The following VAT1L variants were observed in gnomAD, a reference collection of about 807,000 sequenced individuals.
VAT1L encodes putative NADPH-dependent quinone oxidoreductase VAT1L.
VAT1L carries 34 observed loss-of-function variants against 44.1 expected under a neutral mutation model. The observed-to-expected ratio is 0.77, with a 90% confidence interval of 0.59 to 1.03. The LOEUF (loss-of-function observed/expected upper bound fraction) is 1.03, where lower values mean the gene tolerates loss of function less well. Ranked by LOEUF, VAT1L falls within the 50% of genes least tolerant of loss-of-function variation. The pLI is 0.00. For missense variants in VAT1L, 615 were observed against 538.8 expected (o/e 1.14, Z -1.40); for synonymous variants, 253 against 202.2 (o/e 1.25, Z -2.13).
At chr16:77,805,102 A>C (rs2016132370) in intron 1 of VAT1L, among the ~76,000 whole-genome samples, 1 of 152,142 alleles carries the variant, frequency 6.6e-6, no homozygotes, top group Non-Finnish European at 1.5e-5. Context: ...GCATCCCAGC[A>C]TACCCTTTCC....
chr16:77,897,052 C>G (rs1466206201), intron 7 of VAT1L, among the ~76,000 whole-genome samples: 1 of 152,152 alleles, frequency 6.6e-6, no homozygotes, highest in Non-Finnish European at 1.5e-5. Context: ...GGACCAGTTT[C>G]AAGATTTTTC....
At chr16:77,971,767 A>G (rs1433444611) in intron 7 of VAT1L, 83 bp from the exon 8 acceptor site, 18 of 1,434,756 alleles carry the variant, frequency 1.3e-5, no homozygotes, top group Non-Finnish European at 1.7e-5. Context: ...TGGTCACTTG[A>G]CAGTTTGAGT....
Position 77,884,792 on chromosome 16 carries a change from C to A in VAT1L, c.1067C>A (p.Ala356Asp). The change falls in exon 7 of 9, where the codon GCT (alanine) becomes GAT (aspartate). Residue 356 changes from alanine to aspartate, a missense_variant. By Grantham distance (126) the Ala-to-Asp change is moderately radical (BLOSUM62 -2). Coordinates refer to ENST00000302536, the MANE Select transcript of VAT1L (RefSeq NM_020927.3). This position sits in a 1 kb window ranked among gnomAD's most constrained non-coding sequence, Gnocchi z 4.5. ...AAGCCTGTGGTGGACTCCTTGTGGG[C>A]TCTGGAGGAGGTAAGAATGGTGCTT... ...KIKPVVDSLW[A>D]LEEVKEAMQR... The A allele has an allele frequency of 6.6e-7, 1 of 1,506,108 alleles. No homozygotes were observed. The highest frequency in any genetic ancestry group is 8.8e-7 in the Non-Finnish European group (1 of 1,131,874). The allele number at this position is 1,506,108 out of a possible 1,614,324, so 93.3% of individuals were successfully genotyped here. A position where few individuals can be genotyped will look rare whatever the true frequency, so the allele number is the denominator to read the frequency against.
chr16:77,843,063 G>A (rs563551639), intron 3 of VAT1L, among the ~76,000 whole-genome samples: 1 of 152,154 alleles, frequency 6.6e-6, no homozygotes, highest in Non-Finnish European at 1.5e-5. Context: ...GATTGGCAAA[G>A]ACAGAGGTAC....
At chr16:77,866,582 T>C (rs80150971) in intron 4 of VAT1L, among the ~76,000 whole-genome samples, 1,517 of 151,394 alleles carry the variant, frequency 0.01, 16 homozygotes, top group Non-Finnish European at 0.015. Flanking sequence ...ATCACAGATA[T>C]TGTTACGCTA....
intron 4 of VAT1L, among the ~76,000 whole-genome samples, chr16:77,863,622 T>C (rs2016938981): frequency 6.6e-6 from 1 of 152,068 alleles, no homozygotes; most frequent in Admixed American, 6.6e-5. Context: ...GGGGCTGCTC[T>C]GGGAAAGGAA....
At chr16:77,814,403 G>A (rs1177334805) in intron 1 of VAT1L, among the ~76,000 whole-genome samples, 2 of 152,166 alleles carry the variant, frequency 1.3e-5, no homozygotes, top group African/African-American at 2.4e-5. Flanking sequence ...GAGGAAACAG[G>A]GTGCTACAGG....
At chr16:77,975,694 T>G (rs978867104) in intron 8 of VAT1L, among the ~76,000 whole-genome samples, 2 of 152,228 alleles carry the variant, frequency 1.3e-5, no homozygotes, top group Admixed American at 1.3e-4. Context: ...GTGGAGTCTC[T>G]CCTGCTGAAA....
chr16:77,962,775 G>GGAAGGAAGGAAGGAAGGAAGGAAA (rs1317695783), intron 7 of VAT1L, among the ~76,000 whole-genome samples: 12 of 147,214 alleles, frequency 8.2e-5, no homozygotes, highest in African/African-American at 2.5e-4. Context: ...AAGGAAGGAA[G>GGAAGGAAGGAAGGAAGGAAGGAAA]GAAAGAAAGA....
At chr16:77,973,092 C>T (rs73568686) in intron 8 of VAT1L, among the ~76,000 whole-genome samples, 6,080 of 152,088 alleles carry the variant, frequency 0.04, 418 homozygotes, top group African/African-American at 0.14. Flanking sequence ...TGGGGCCTCT[C>T]GAGGAGGAAC....
At chr16:77,904,829 A>G (rs2017422678) in intron 7 of VAT1L, among the ~76,000 whole-genome samples, 1 of 150,658 alleles carries the variant, frequency 6.6e-6, no homozygotes, top group African/African-American at 2.4e-5. Context: ...TATGTAAGAA[A>G]AATTTTTTTT....
chr16:77,914,397 G>A (rs1366008899), intron 7 of VAT1L, among the ~76,000 whole-genome samples: 1 of 152,142 alleles, frequency 6.6e-6, no homozygotes, highest in Non-Finnish European at 1.5e-5. Flanking sequence ...CCCACTTTCA[G>A]TTATGTCATT....
intron 7 of VAT1L, among the ~76,000 whole-genome samples, chr16:77,895,248 C>G (rs941587077): frequency 3.9e-5 from 6 of 152,142 alleles, no homozygotes; most frequent in Admixed American, 6.5e-5. Context: ...CTGAGCTGCC[C>G]AATGGACCAA....
chr16:77,793,583 T>G (rs1164583205), intron 1 of VAT1L, among the ~76,000 whole-genome samples: 2 of 152,154 alleles, frequency 1.3e-5, no homozygotes, highest in Non-Finnish European at 2.9e-5. Flanking sequence ...GGAATGTATT[T>G]AAGTGGCCAT....
At chr16:77,833,178 G>A (rs911150703) in intron 3 of VAT1L, among the ~76,000 whole-genome samples, 6 of 152,194 alleles carry the variant, frequency 3.9e-5, no homozygotes, top group Admixed American at 2.6e-4. Context: ...TGAATTAGGC[G>A]CTAGGAGTTC....
intron 1 of VAT1L, among the ~76,000 whole-genome samples, chr16:77,792,229 G>C (rs1448782920): frequency 3.3e-5 from 5 of 152,116 alleles, no homozygotes; most frequent in Non-Finnish European, 1.5e-5. Context: ...TATGCTGCTT[G>C]GTGACCTACA....
intron 7 of VAT1L, among the ~76,000 whole-genome samples, chr16:77,938,114 T>G (rs1028286104): frequency 6.6e-6 from 1 of 152,222 alleles, no homozygotes; most frequent in African/African-American, 2.4e-5. Flanking sequence ...GACCAGTTCC[T>G]GAGCTCCACT....
chr16:77,788,756 C>A lies in VAT1L; in HGVS notation c.74C>A (p.Ala25Glu), dbSNP rs1342563168. The change falls in exon 1 of 9, where the codon GCG (alanine) becomes GAG (glutamate). Residue 25 changes from alanine to glutamate, a missense_variant. Physicochemically the swap from Ala to Glu is moderately radical, Grantham distance 107 (BLOSUM62 -1). Transcript: ENST00000302536. ...MIEKEAGKEP[A>E]EGGGGDGSHR... ...GAGAAGGAGGCAGGCAAGGAGCCGG[C>A]GGAGGGCGGCGGCGGCGACGGCTCG... The A allele has an allele frequency of 1.9e-6, 3 of 1,561,694 alleles. No individual in the cohort carries two copies. In the East Asian group the frequency reaches 7.0e-5, roughly 37 times the overall value.
chr16:77,935,498 A>AT (rs1209296432), intron 7 of VAT1L, among the ~76,000 whole-genome samples: 4 of 117,674 alleles, frequency 3.4e-5, no homozygotes, highest in Non-Finnish European at 5.4e-5. Context: ...ATGACGGTTT[A>AT]TAAAAAAAAA....
Sources: gnomAD v4.1 joint callset for allele counts (sites outside exome capture counted in the v4.1 genomes callset) on GRCh38, gnomAD v4.1.1 for gene constraint, Gnocchi (gnomAD v3.1) non-coding constraint, MANE v1.5 for transcripts, NCBI Gene and HGNC (gene_info 2026-07-23, HGNC 2026-07-21) for gene names.